The following CSMD1 variants were observed in gnomAD, a reference collection of about 807,000 sequenced individuals.
CSMD1 encodes the protein CUB and sushi domain-containing protein 1.
Under a neutral mutation model 417.5 loss-of-function variants are expected in CSMD1, and 213 were observed. That is an observed-to-expected ratio of 0.51 (90% CI 0.46 to 0.57). The LOEUF is 0.57. Among genes scored for constraint, CSMD1 ranks in the 20% least tolerant of loss-of-function variants. The pLI, the probability that CSMD1 is intolerant of heterozygous loss-of-function variation, is 0.00. For missense variants in CSMD1, 6,923 were observed against 4,529.7 expected (o/e 1.53, Z -15.17); for synonymous variants, 2,862 against 1,736.8 (o/e 1.65, Z -16.11).
At chr8:3,854,308 T>C (rs1192038680) in intron 5 of CSMD1, among the ~76,000 whole-genome samples, 1 of 151,838 alleles carries the variant, frequency 6.6e-6, no homozygotes, top group Admixed American at 6.6e-5. Flanking sequence ...TTTAGTAGTG[T>C]GCACTGCCCT....
intron 3 of CSMD1, among the ~76,000 whole-genome samples, chr8:4,368,200 G>A (rs918592349): frequency 6.6e-6 from 1 of 152,132 alleles, no homozygotes; most frequent in African/African-American, 2.4e-5. Context: ...TTTTTAACAT[G>A]AATGTGTGCT....
intron 3 of CSMD1, among the ~76,000 whole-genome samples, chr8:4,387,445 T>G (rs1028664732): frequency 6.6e-6 from 1 of 151,288 alleles, no homozygotes; most frequent in Admixed American, 6.6e-5. Flanking sequence ...CAAGATATGC[T>G]TGGTCTCCAT....
intron 25 of CSMD1, among the ~76,000 whole-genome samples, chr8:3,303,608 C>G (rs1804581589): frequency 6.6e-6 from 1 of 152,150 alleles, no homozygotes; most frequent in Non-Finnish European, 1.5e-5. Context: ...GCTTTCCAGA[C>G]AATTACACTG....
At chr8:3,595,218 G>A (rs1037729646) in intron 8 of CSMD1, among the ~76,000 whole-genome samples, 1 of 152,170 alleles carries the variant, frequency 6.6e-6, no homozygotes, top group African/African-American at 2.4e-5. Flanking sequence ...AGGAAGGCTG[G>A]GAAGACCATT....
intron 7 of CSMD1, among the ~76,000 whole-genome samples, chr8:3,642,141 G>C (rs1473700619): frequency 2.0e-5 from 3 of 151,666 alleles, no homozygotes; most frequent in Non-Finnish European, 4.4e-5. Context: ...CACACAAATA[G>C]ACAAAGATAT....
chr8:3,188,490 A>G (rs1362587771), intron 35 of CSMD1, among the ~76,000 whole-genome samples: 2 of 151,526 alleles, frequency 1.3e-5, no homozygotes, highest in Non-Finnish European at 2.9e-5. Flanking sequence ...TATTTTTAGT[A>G]GAGACAGGGT....
chr8:3,269,447 A>G (rs1052274084), intron 26 of CSMD1, among the ~76,000 whole-genome samples: 1 of 152,262 alleles, frequency 6.6e-6, no homozygotes, highest in South Asian at 2.1e-4. Context: ...TGCCATGGGC[A>G]GCACCAAAGG....
chr8:3,711,069 T>C (rs888784301), intron 6 of CSMD1, among the ~76,000 whole-genome samples: 2 of 152,186 alleles, frequency 1.3e-5, no homozygotes, highest in African/African-American at 2.4e-5. Flanking sequence ...GATATTTTCC[T>C]ATAGCAAATG....
At chr8:4,687,078 GC>G (rs1563142467) in intron 1 of CSMD1, among the ~76,000 whole-genome samples, 1 of 152,186 alleles carries the variant, frequency 6.6e-6, no homozygotes, top group African/African-American at 2.4e-5. Flanking sequence ...AGGCGAGCCG[GC>G]CCCTGTGCAG....
At chr8:3,943,982 G>A (rs925480053) in intron 5 of CSMD1, among the ~76,000 whole-genome samples, 2 of 152,110 alleles carry the variant, frequency 1.3e-5, no homozygotes, top group African/African-American at 4.8e-5. Flanking sequence ...ATTAGGCAAT[G>A]ATATTAAATC....
At chr8:3,203,564 G>C (rs141289007) in intron 31 of CSMD1, among the ~76,000 whole-genome samples, 2,074 of 152,258 alleles carry the variant, frequency 0.014, 26 homozygotes, top group Non-Finnish European at 0.02. Flanking sequence ...AAGCAAAATG[G>C]TGGCGGGGAC....
intron 3 of CSMD1, among the ~76,000 whole-genome samples, chr8:4,122,160 G>C (rs769244031): frequency 3.3e-5 from 5 of 152,102 alleles, no homozygotes; most frequent in East Asian, 3.9e-4. Flanking sequence ...TTATTTTCCT[G>C]ACAGACTTGA....
chr8:4,170,855 T>C (rs1797727220), intron 3 of CSMD1, among the ~76,000 whole-genome samples: 1 of 151,910 alleles, frequency 6.6e-6, no homozygotes, highest in Non-Finnish European at 1.5e-5. Context: ...TGAATTCCTG[T>C]AACATTTTTA....
chr8:3,509,930 G>A (rs1375604775), intron 10 of CSMD1, among the ~76,000 whole-genome samples: 11 of 152,102 alleles, frequency 7.2e-5, no homozygotes, highest in African/African-American at 2.4e-4. Flanking sequence ...TTAAGTTGCT[G>A]GCATTTCAGC....
intron 3 of CSMD1, among the ~76,000 whole-genome samples, chr8:4,372,532 T>C (rs1169438718): frequency 9.2e-5 from 14 of 151,416 alleles, no homozygotes; most frequent in Non-Finnish European, 4.4e-5. Context: ...CCTCATCCAA[T>C]AAAATGATTC....
chr8:4,344,567 T>C (rs562999082), intron 3 of CSMD1, among the ~76,000 whole-genome samples: 1 of 150,858 alleles, frequency 6.6e-6, no homozygotes, highest in East Asian at 1.9e-4. Context: ...AATATATACA[T>C]ATATAAGTAT....
At chr8:4,613,002 T>G (rs1475471852) in intron 2 of CSMD1, among the ~76,000 whole-genome samples, 1 of 152,112 alleles carries the variant, frequency 6.6e-6, no homozygotes, top group Admixed American at 6.5e-5. Flanking sequence ...CTCATAACAT[T>G]AGATTCCCAG....
chr8:3,740,854 G>A (rs1440766201), intron 6 of CSMD1, among the ~76,000 whole-genome samples: 1 of 152,098 alleles, frequency 6.6e-6, no homozygotes, highest in Non-Finnish European at 1.5e-5. Context: ...GGAGAGTATA[G>A]CAGAGAGGAT....
intron 22 of CSMD1, among the ~76,000 whole-genome samples, chr8:3,346,316 A>C (rs977203016): frequency 7.2e-5 from 11 of 152,232 alleles, no homozygotes; most frequent in Non-Finnish European, 1.5e-4. Flanking sequence ...TATTTTATGC[A>C]GTATCTCTAA....
Sources: allele counts gnomAD v4.1 joint callset (sites outside exome capture counted in the v4.1 genomes callset), GRCh38; gene constraint gnomAD v4.1.1; transcripts MANE v1.5; gene names NCBI Gene and HGNC (gene_info 2026-07-23, HGNC 2026-07-21).